XPNPEP3: variants seen among roughly 807,000 people sequenced by gnomAD.
XPNPEP3 encodes X-prolyl aminopeptidase 3, also known as xaa-Pro aminopeptidase 3.
A neutral mutation model predicts 60.0 loss-of-function variants in XPNPEP3; 41 were observed. That is an observed-to-expected ratio of 0.68 (90% confidence interval 0.53 to 0.89). The LOEUF is 0.89. XPNPEP3 is among the 40% of genes least tolerant of loss of function. The pLI is 0.00. For synonymous variants in XPNPEP3, 212 were observed against 223.2 expected (o/e 0.95, Z 0.45); for missense variants, 598 against 638.9 (o/e 0.94, Z 0.69).
At chr22:40,913,045 C>T (rs1472000384) in intron 6 of XPNPEP3, among the ~76,000 whole-genome samples, 1 of 152,052 alleles carries the variant, frequency 6.6e-6, no homozygotes, top group South Asian at 2.1e-4. Context: ...TTTGTACTTA[C>T]TTAGATATGA....
At chr22:40,873,560 T>A (rs1238162138) in intron 2 of XPNPEP3, among the ~76,000 whole-genome samples, 3 of 151,924 alleles carry the variant, frequency 2.0e-5, no homozygotes, top group Non-Finnish European at 4.4e-5. Flanking sequence ...GGCTCACGCC[T>A]ATAATCCCAG....
rs151133739 is a variant in XPNPEP3 at position 40,919,383 on chromosome 22, C to T, written c.1056-2950C>T. Among the ~76,000 whole-genome samples the T allele has an allele frequency of 5.8e-3, 887 of 152,288 alleles. 5 individuals are homozygous for T. Among genetic ancestry groups the T allele is most frequent in the Non-Finnish European group, 8.2e-3 (559 of 68,032 alleles). On this transcript the variant is annotated intron_variant, in intron 7 of 9. Coordinates refer to ENST00000357137, the MANE Select transcript of XPNPEP3 (RefSeq NM_022098.4). ...CAGTCTAACCAACATGGTGAAACCC[C>T]GTCCATACTAAAATAACAAAAATTA...
intron 1 of XPNPEP3, chr22:40,861,561 G>A (rs149238617): frequency 4.3e-6 from 7 of 1,613,260 alleles, no homozygotes; most frequent in African/African-American, 2.7e-5. Context: ...CTCAAAAATT[G>A]GATATTCACT....
chr22:40,860,792 A>G (rs1195668631), intron 1 of XPNPEP3: 13 of 663,248 alleles, frequency 2.0e-5, no homozygotes, highest in Non-Finnish European at 2.7e-5. Context: ...CTGGGACTAC[A>G]GGTGCACACC....
intron 4 of XPNPEP3, among the ~76,000 whole-genome samples, chr22:40,903,595 A>G (rs1458587416): frequency 1.3e-5 from 2 of 151,696 alleles, no homozygotes; most frequent in African/African-American, 4.8e-5. Context: ...GGTTCAAGCA[A>G]TTCTCTGCCT....
intron 7 of XPNPEP3, among the ~76,000 whole-genome samples, chr22:40,919,522 G>C (rs1191804905): frequency 6.6e-6 from 1 of 152,186 alleles, no homozygotes; most frequent in East Asian, 1.9e-4. Context: ...GTGCCACCAT[G>C]CCTGGCTAAT....
intron 7 of XPNPEP3, among the ~76,000 whole-genome samples, chr22:40,921,169 C>T (rs2058215198): frequency 6.6e-6 from 1 of 151,746 alleles, no homozygotes; most frequent in African/African-American, 2.4e-5. Flanking sequence ...CCTGCTGGGA[C>T]TTGAGTGTAG....
chr22:40,857,389 A>G, intron 1 of XPNPEP3, 144 bp downstream of exon 1: 1 of 932,942 alleles, frequency 1.1e-6, no homozygotes, highest in South Asian at 1.4e-5. Context: ...TTTCTTCTAT[A>G]CCGGCTGCTC....
chr22:40,890,196 A>G (rs1368909862), intron 4 of XPNPEP3, among the ~76,000 whole-genome samples: 4 of 152,192 alleles, frequency 2.6e-5, no homozygotes, highest in Non-Finnish European at 5.9e-5. Context: ...TACATCATAT[A>G]GCAGTACCAT....
At chr22:40,919,214 G>T (rs769686575) in intron 7 of XPNPEP3, among the ~76,000 whole-genome samples, 1 of 152,132 alleles carries the variant, frequency 6.6e-6, no homozygotes, top group Non-Finnish European at 1.5e-5. Context: ...GCAGAAGTTT[G>T]CAAACTTGAA....
intron 1 of XPNPEP3, chr22:40,860,869 CT>C: frequency 1.5e-6 from 1 of 669,262 alleles, no homozygotes; most frequent in East Asian, 2.8e-5. Flanking sequence ...CAGGCAAATT[CT>C]TATTAGCACC....
At chr22:40,879,571 G>A (rs2058039614) in intron 2 of XPNPEP3, among the ~76,000 whole-genome samples, 1 of 152,024 alleles carries the variant, frequency 6.6e-6, no homozygotes. Context: ...GCCAGGCATG[G>A]TGGCTCATGC....
chr22:40,909,350 G>T (rs564399946), intron 6 of XPNPEP3, 115 bp downstream of exon 6: 17 of 823,774 alleles, frequency 2.1e-5, no homozygotes, highest in Middle Eastern at 2.2e-4. Flanking sequence ...CATTTTAAAA[G>T]TATTTTATTG....
Position 40,860,935 on chromosome 22 carries a change from A to G in XPNPEP3, c.64+3690A>G, listed in dbSNP as rs1007344841. The G allele has an allele frequency of 8.7e-6, 8 of 922,822 alleles. No homozygotes were observed. In the African/African-American group the frequency reaches 1.0e-4, roughly 12 times the overall value. The allele number at this position is 922,822 out of a possible 1,614,324, so 57.2% of individuals were successfully genotyped here. ...ACATACCCATTCAAAAAAACTACTA[A>G]CCAAATGTCCACAATCCTGCTAAAA... is the stretch of plus-strand genomic sequence containing the variant. On this transcript the variant is annotated intron_variant, in intron 1 of 9. Coordinates refer to ENST00000357137, the MANE Select transcript of XPNPEP3 (RefSeq NM_022098.4).
chr22:40,890,803 G>C (rs1033616615), intron 4 of XPNPEP3, among the ~76,000 whole-genome samples: 1 of 151,574 alleles, frequency 6.6e-6, no homozygotes, highest in East Asian at 2.0e-4. Flanking sequence ...GGGAGGTCGA[G>C]GCTGCAGTGA....
At chr22:40,891,652 C>CAA (rs753299355) in intron 4 of XPNPEP3, among the ~76,000 whole-genome samples, 4 of 113,926 alleles carry the variant, frequency 3.5e-5, no homozygotes, top group Non-Finnish European at 3.7e-5. Flanking sequence ...GACTCCATCT[C>CAA]AAAAAAAAAA....
intron 2 of XPNPEP3, among the ~76,000 whole-genome samples, chr22:40,880,594 G>A (rs2058043522): frequency 6.6e-6 from 1 of 151,574 alleles, no homozygotes; most frequent in Non-Finnish European, 1.5e-5. Context: ...AACATTTATT[G>A]AAATAATTCA....
chr22:40,929,626 G>C lies in XPNPEP3; in HGVS notation c.*3191G>C, dbSNP rs2048849621. 1.3e-5 allele frequency: 2 copies of C among 152,180 alleles called. No homozygotes were observed. Among genetic ancestry groups the C allele is most frequent in the African/African-American group, 2.4e-5 (1 of 41,432 alleles). 9.4% of individuals were successfully genotyped at this position (152,180 alleles called of 1,614,324 possible). ...ATAGGTGTTATTGGTAGGCAGAAAG[G>C]CTGTTGTAGAATTCTTCTGGTGATT... On this transcript the variant is annotated 3_prime_UTR_variant, in exon 10 of 10. Coordinates refer to ENST00000357137, the MANE Select transcript of XPNPEP3 (RefSeq NM_022098.4).
chr22:40,862,202 A>G (rs1462980623), intron 1 of XPNPEP3: 15 of 1,359,852 alleles, frequency 1.1e-5, no homozygotes, highest in Non-Finnish European at 1.4e-5. Flanking sequence ...GGGCTGCATT[A>G]TGGTGTCATT....
Sources: gnomAD v4.1 joint callset for allele counts (sites outside exome capture counted in the v4.1 genomes callset) on GRCh38, gnomAD v4.1.1 for gene constraint, MANE v1.5 for transcripts, NCBI Gene and HGNC (gene_info 2026-07-23, HGNC 2026-07-21) for gene names.